The following MYO7A variants were observed in gnomAD, a reference collection of about 807,000 sequenced individuals.
The protein encoded by MYO7A is unconventional myosin-VIIa.
In MYO7A, 210 loss-of-function variants were observed where a neutral mutation model predicts 263.8. The observed-to-expected ratio is 0.80, with a 90% CI of 0.71 to 0.89. The LOEUF is 0.89. Ranked by LOEUF, MYO7A falls within the 40% of genes least tolerant of loss-of-function variation. The pLI is 0.00. For missense variants in MYO7A, 2,820 were observed against 2,968.3 expected, an observed-to-expected ratio of 0.95 and a Z score of 1.16; for synonymous variants, 1,239 against 1,197.3, an observed-to-expected ratio of 1.03 and a Z score of -0.72.
In MYO7A at chr11:77,201,437, C is replaced by T. The variant is rs1957054424; in HGVS notation, c.4853-11C>T. On this transcript the variant is annotated splice_polypyrimidine_tract_variant and intron_variant, in intron 35 of 48. Transcript: ENST00000409709. ...TCTGCCCCCATGGTCCCACTCACCT[C>T]TGCTCTACAGCAGGCGAGGAGTCAG... 1 of 1,611,688 alleles carries T rather than the reference C, an allele frequency of 6.2e-7. No individual in the cohort carries two copies. The highest frequency in any genetic ancestry group is 8.5e-7 in the Non-Finnish European group (1 of 1,178,842).
At chr11:77,170,204 G>A (rs558037647) in intron 15 of MYO7A, among the ~76,000 whole-genome samples, 5 of 152,322 alleles carry the variant, frequency 3.3e-5, no homozygotes, top group African/African-American at 9.6e-5. Flanking sequence ...TCAGTGGTGT[G>A]GTGGGTGCGG....
intron 22 of MYO7A, 53 bp from the exon 23 acceptor site, chr11:77,181,327 G>C: frequency 6.7e-7 from 1 of 1,485,578 alleles, no homozygotes; most frequent in Non-Finnish European, 9.0e-7. Flanking sequence ...GTTCCCTGAG[G>C]CTGTGGCACC....
chr11:77,181,771 T>TG (rs1565411551), intron 23 of MYO7A, among the ~76,000 whole-genome samples, 180 bp from the exon 24 acceptor site: 1 of 35,912 alleles, frequency 2.8e-5, no homozygotes, highest in Non-Finnish European at 5.7e-5. Context: ...TCTCAAGTTT[T>TG]TTTTTTTGTT....
intron 32 of MYO7A, among the ~76,000 whole-genome samples, chr11:77,195,122 C>G (rs1485739491): frequency 6.6e-6 from 1 of 152,092 alleles, no homozygotes; most frequent in Non-Finnish European, 1.5e-5. Context: ...GTCGAGGGCT[C>G]CATAGTCTGA....
Position 77,192,056 on chromosome 11 carries a change from C to T in MYO7A, c.3930C>T (p.Ser1310=), listed in dbSNP as rs1219536634. ...CCTCCCCTCTGTGCCCACAGGTGTC[C>T]TCCCTGGGCAGCGGCAGTGACCACG... ...SLYIALFDKV[S]SLGSGSDHVM... The change falls in exon 31 of 49, where the codon TCC becomes TCT. Residue 1310 remains serine (S), a synonymous_variant. Coordinates refer to ENST00000409709, the MANE Select transcript of MYO7A (RefSeq NM_000260.4). 1.2e-6 allele frequency: 2 copies of T among 1,612,774 alleles called. No homozygotes were observed. The highest frequency in any genetic ancestry group is 1.7e-6 in the Non-Finnish European group (2 of 1,179,616).
At chr11:77,182,196 G>T in intron 24 of MYO7A, 42 bp downstream of exon 24, 1 of 1,607,762 alleles carries the variant, frequency 6.2e-7, no homozygotes, top group South Asian at 1.1e-5. Context: ...GGTGGGGCCA[G>T]GGCTGGGGCT....
chr11:77,193,560 AGTTT>A (rs1380863452), intron 31 of MYO7A, among the ~76,000 whole-genome samples: 2 of 150,324 alleles, frequency 1.3e-5, no homozygotes, highest in South Asian at 2.1e-4. Flanking sequence ...TAGTGGTGGT[AGTTT>A]TGTTGGTGAT....
chr11:77,155,677 C>T lies in MYO7A; in HGVS notation c.286-230C>T, dbSNP rs146026488. On this transcript the variant is annotated intron_variant, in intron 4 of 48. Coordinates refer to ENST00000409709, the MANE Select transcript of MYO7A (RefSeq NM_000260.4). ...ATCTAGGCTTAGAGACTCCACCTCC[C>T]TCTTCATCAAATGTCACTGAGCACT... Among the ~76,000 whole-genome samples the T allele has an allele frequency of 4.1e-4, 63 of 152,356 alleles. No homozygotes were observed. In the East Asian group the frequency reaches 4.2e-3, roughly 10 times the overall value.
At chr11:77,159,805 G>A (rs1555067149) in intron 10 of MYO7A, among the ~76,000 whole-genome samples, 1 of 152,198 alleles carries the variant, frequency 6.6e-6, no homozygotes, top group Non-Finnish European at 1.5e-5. Context: ...TCCACATCTG[G>A]GCAAAGGGCA....
intron 45 of MYO7A, 105 bp from the exon 46 acceptor site, chr11:77,211,716 A>G: frequency 1.2e-6 from 1 of 823,224 alleles, no homozygotes; most frequent in Non-Finnish European, 2.0e-6. Context: ...ACGGGGCTGG[A>G]GTGGGCAGGG....
At chr11:77,188,798 G>C (rs1251861962) in intron 27 of MYO7A, among the ~76,000 whole-genome samples, 1 of 152,084 alleles carries the variant, frequency 6.6e-6, no homozygotes, top group Non-Finnish European at 1.5e-5. Flanking sequence ...GTCATACATG[G>C]CCCCTTAAGT....
intron 28 of MYO7A, 42 bp downstream of exon 28, chr11:77,189,512 G>A (rs782000368): frequency 6.2e-7 from 1 of 1,612,234 alleles, no homozygotes; most frequent in South Asian, 1.1e-5. Context: ...AGGGGAGCTA[G>A]GCCCTGTCCC....
chr11:77,180,520 G>C, intron 22 of MYO7A, 39 bp downstream of exon 22: 3 of 1,569,094 alleles, frequency 1.9e-6, no homozygotes, highest in Non-Finnish European at 2.6e-6. Context: ...GTGTCCACTT[G>C]CTGGCTTGTC....
At chr11:77,201,388 G>A in intron 35 of MYO7A, 60 bp from the exon 36 acceptor site, 2 of 1,520,874 alleles carry the variant, frequency 1.3e-6, no homozygotes, top group South Asian at 1.2e-5. Context: ...TCTTCTGTGG[G>A]AAGATGTTCC....
chr11:77,163,608 A>G (rs1458487917), intron 14 of MYO7A, among the ~76,000 whole-genome samples: 3 of 152,238 alleles, frequency 2.0e-5, no homozygotes, highest in African/African-American at 7.2e-5. Context: ...ATACGTCATT[A>G]CCATCTTAGC....
At chr11:77,194,155 C>T (rs1002547126) in intron 31 of MYO7A, 199 bp from the exon 32 acceptor site, 7 of 727,138 alleles carry the variant, frequency 9.6e-6, no homozygotes, top group African/African-American at 3.5e-5. Flanking sequence ...AGGGTGTGGC[C>T]CTGCCCTTGG....
At chr11:77,157,152 T>G in intron 7 of MYO7A, 127 bp from the exon 8 acceptor site, 1 of 1,387,594 alleles carries the variant, frequency 7.2e-7, no homozygotes, top group Non-Finnish European at 1.0e-6. Context: ...AATCCCACCA[T>G]GAAACCCACC....
Position 77,179,060 on chromosome 11 carries a change from G to A in MYO7A, c.2298G>A (p.Lys766=), listed in dbSNP as rs782185279. The part of the protein sequence containing the change: ...RGFKDRSNFL[K]LKNAATLIQR... ...GCTGTTTCAGGTCTAACTTTCTGAA[G>A]CTGAAGAACGCTGCCACACTGATCC... The change falls in exon 20 of 49, where the codon AAG becomes AAA. Residue 766 remains lysine, a synonymous_variant. Coordinates refer to ENST00000409709, the MANE Select transcript of MYO7A (RefSeq NM_000260.4). The A allele has an allele frequency of 6.2e-7, 1 of 1,607,678 alleles. No individual in the cohort carries two copies. The highest frequency in any genetic ancestry group is 8.5e-7 in the Non-Finnish European group (1 of 1,177,666).
intron 18 of MYO7A, among the ~76,000 whole-genome samples, chr11:77,176,310 G>A (rs1417371133): frequency 6.6e-6 from 1 of 152,212 alleles, no homozygotes; most frequent in African/African-American, 2.4e-5. Context: ...AAGATGTGAT[G>A]AATGTTCCCT....
Sources: gnomAD v4.1 joint callset for allele counts (sites outside exome capture counted in the v4.1 genomes callset) on GRCh38, gnomAD v4.1.1 for gene constraint, MANE v1.5 for transcripts, NCBI Gene and HGNC (gene_info 2026-07-23, HGNC 2026-07-21) for gene names.